The following CADM2 variants were observed in gnomAD, a reference collection of about 807,000 sequenced individuals.
CADM2 encodes the protein immunoglobulin superfamily member 4D.
CADM2 carries 12 observed loss-of-function variants against 49.8 expected under a neutral mutation model. The observed-to-expected ratio is 0.24, with a 90% CI of 0.15 to 0.39. The LOEUF (loss-of-function observed/expected upper bound fraction) is 0.39. CADM2 is among the 10% of genes least tolerant of loss of function. The pLI is 1.00. For synonymous variants in CADM2, 214 were observed against 175.4 expected, an observed-to-expected ratio of 1.22 and a Z score of -1.74; for missense variants, 378 against 492.3, an observed-to-expected ratio of 0.77 and a Z score of 2.20.
At chr3:85,299,669 G>C (rs139425772) in intron 1 of CADM2, among the ~76,000 whole-genome samples, 1 of 152,146 alleles carries the variant, frequency 6.6e-6, no homozygotes, top group East Asian at 1.9e-4. Context: ...TTGGTCTGGG[G>C]TGTGGGATGT....
chr3:85,732,326 T>TA (rs1435425647), intron 2 of CADM2, among the ~76,000 whole-genome samples: 3 of 151,966 alleles, frequency 2.0e-5, no homozygotes, highest in Non-Finnish European at 4.4e-5. Context: ...AAAATCTTCA[T>TA]AAAAAACGAA....
At chr3:85,766,993 A>T (rs2069688984) in intron 2 of CADM2, among the ~76,000 whole-genome samples, 1 of 152,180 alleles carries the variant, frequency 6.6e-6, no homozygotes, top group African/African-American at 2.4e-5. Flanking sequence ...GGTATGAAAC[A>T]ACAAATTGAC....
chr3:85,439,438 C>A (rs1209909080), intron 1 of CADM2, among the ~76,000 whole-genome samples: 1 of 152,072 alleles, frequency 6.6e-6, no homozygotes, highest in Non-Finnish European at 1.5e-5. Flanking sequence ...CAGGTGTAAG[C>A]CACTGTGCCC....
chr3:85,830,105 C>T (rs2074119401), intron 3 of CADM2, among the ~76,000 whole-genome samples: 1 of 151,894 alleles, frequency 6.6e-6, no homozygotes, highest in Admixed American at 6.6e-5. Context: ...CACCATTTTC[C>T]ATAATGGCTT....
At chr3:85,141,136 A>G (rs1221806489) in intron 1 of CADM2, among the ~76,000 whole-genome samples, 2 of 152,138 alleles carry the variant, frequency 1.3e-5, no homozygotes, top group South Asian at 2.1e-4. Flanking sequence ...TATTTTATGT[A>G]ATACACTAAA....
chr3:84,976,909 A>T (rs1350236251), intron 1 of CADM2, among the ~76,000 whole-genome samples: 3 of 152,032 alleles, frequency 2.0e-5, no homozygotes, highest in Non-Finnish European at 4.4e-5. Flanking sequence ...CAATCATCAT[A>T]GATTTATATC....
chr3:85,040,548 C>T (rs901718000), intron 1 of CADM2, among the ~76,000 whole-genome samples: 29 of 149,834 alleles, frequency 1.9e-4, no homozygotes, highest in Admixed American at 4.7e-4. Flanking sequence ...AGGGGCTAGT[C>T]GCTAGAGGAG....
chr3:85,944,449 T>G (rs1446701250), intron 7 of CADM2, among the ~76,000 whole-genome samples: 1 of 151,832 alleles, frequency 6.6e-6, no homozygotes, highest in Non-Finnish European at 1.5e-5. Context: ...AACTCTCCAC[T>G]CCAAATCAAC....
At chr3:85,973,203 T>A (rs868007925) in intron 8 of CADM2, among the ~76,000 whole-genome samples, 2 of 151,700 alleles carry the variant, frequency 1.3e-5, no homozygotes, top group Admixed American at 1.3e-4. Context: ...GTGATGTTAT[T>A]GATAAAGCAC....
chr3:86,059,085 C>T (rs1035779548), intron 8 of CADM2, among the ~76,000 whole-genome samples: 49 of 123,382 alleles, frequency 4.0e-4, no homozygotes, highest in Non-Finnish European at 6.8e-4. Context: ...CAGAGCGAGA[C>T]TCCATCTTAC....
At chr3:85,907,589 G>A (rs1392528382) in intron 5 of CADM2, among the ~76,000 whole-genome samples, 1 of 152,096 alleles carries the variant, frequency 6.6e-6, no homozygotes, top group East Asian at 1.9e-4. Flanking sequence ...GTCTATTTCA[G>A]GATCCAGGGA....
intron 8 of CADM2, among the ~76,000 whole-genome samples, chr3:85,978,771 T>C (rs968280573): frequency 3.3e-5 from 5 of 151,668 alleles, no homozygotes; most frequent in Non-Finnish European, 5.9e-5. Context: ...TATATGGTGG[T>C]ATATGTGTTT....
chr3:85,118,741 ATATT>A (rs778278725), intron 1 of CADM2, among the ~76,000 whole-genome samples: 1 of 151,974 alleles, frequency 6.6e-6, no homozygotes, highest in East Asian at 1.9e-4. Flanking sequence ...CCATTTATTT[ATATT>A]TATTTATTTA....
intron 1 of CADM2, among the ~76,000 whole-genome samples, chr3:85,147,692 A>C (rs1421279806): frequency 6.6e-6 from 1 of 152,156 alleles, no homozygotes; most frequent in Non-Finnish European, 1.5e-5. Context: ...GTATTGCACA[A>C]TAAAGAATTA....
intron 1 of CADM2, among the ~76,000 whole-genome samples, chr3:85,650,108 T>G (rs1406620604): frequency 1.3e-5 from 2 of 152,118 alleles, no homozygotes; most frequent in Non-Finnish European, 2.9e-5. Flanking sequence ...TCTCCAAAAA[T>G]CATGACGTTC....
chr3:85,879,669 C>G (rs1712445607), intron 3 of CADM2, among the ~76,000 whole-genome samples: 1 of 152,118 alleles, frequency 6.6e-6, no homozygotes, highest in Middle Eastern at 3.4e-3. Flanking sequence ...ATTTTTTAAT[C>G]AATTTTTTTG....
chr3:85,344,462 T>C (rs1288464368), intron 1 of CADM2, among the ~76,000 whole-genome samples: 1 of 151,454 alleles, frequency 6.6e-6, no homozygotes, highest in Admixed American at 6.6e-5. Context: ...GCAGAGAGCA[T>C]TATTTATTTT....
intron 2 of CADM2, among the ~76,000 whole-genome samples, chr3:85,780,671 A>G (rs1054893967): frequency 1.3e-5 from 2 of 151,958 alleles, no homozygotes; most frequent in African/African-American, 4.8e-5. Flanking sequence ...TATGCTTCTG[A>G]TCTTTTATAA....
intron 1 of CADM2, among the ~76,000 whole-genome samples, chr3:85,395,454 A>C (rs564059102): frequency 2.3e-4 from 35 of 152,264 alleles, no homozygotes; most frequent in African/African-American, 8.2e-4. Context: ...AGACAGAAAA[A>C]AATTTATTGA....
Sources: gnomAD v4.1 joint callset for allele counts (sites outside exome capture counted in the v4.1 genomes callset) on GRCh38, gnomAD v4.1.1 for gene constraint, MANE v1.5 for transcripts, NCBI Gene and HGNC (gene_info 2026-07-23, HGNC 2026-07-21) for gene names.